The following NEDD4L variants were observed in gnomAD, a reference collection of about 807,000 sequenced individuals.
NEDD4L encodes NEDD4 like E3 ubiquitin protein ligase.
NEDD4L carries 54 observed loss-of-function variants against 148.9 expected under a neutral mutation model. That is an observed-to-expected ratio of 0.36 (90% CI 0.29 to 0.45). NEDD4L has a LOEUF of 0.45. Among genes scored for constraint, NEDD4L ranks in the 20% least tolerant of loss-of-function variants. The probability of loss-of-function intolerance (pLI) is 1.00; values close to 1 mark genes in which losing one functional copy is unlikely to be tolerated. For missense variants in NEDD4L, 856 were observed against 1,233.8 expected (o/e 0.69, Z 4.59); for synonymous variants, 433 against 440.7 (o/e 0.98, Z 0.22).
At chr18:58,348,326 CTTTTTTTT>C (rs771263533) in intron 16 of NEDD4L, among the ~76,000 whole-genome samples, 4 of 88,646 alleles carry the variant, frequency 4.5e-5, no homozygotes, top group Non-Finnish European at 7.9e-5. Flanking sequence ...TCTTTTTTTT[CTTTTTTTT>C]TTTTTTTTTT....
intron 18 of NEDD4L, among the ~76,000 whole-genome samples, chr18:58,353,897 C>T (rs1009941348): frequency 6.6e-6 from 1 of 152,170 alleles, no homozygotes; most frequent in African/African-American, 2.4e-5. Flanking sequence ...TCCAGCATAC[C>T]TGGCACGTGG....
chr18:58,115,369 G>A (rs1375815914), intron 1 of NEDD4L, among the ~76,000 whole-genome samples: 1 of 151,484 alleles, frequency 6.6e-6, no homozygotes, highest in Non-Finnish European at 1.5e-5. Flanking sequence ...TAGGGGAGAT[G>A]CAATTCCCTG....
In NEDD4L at chr18:58,205,449, T is replaced by C. The variant is rs954934428; in HGVS notation, c.122+39588T>C. On this transcript the variant is annotated intron_variant, in intron 2 of 30. Coordinates refer to ENST00000400345, the MANE Select transcript of NEDD4L (RefSeq NM_001144967.3). ...TGGTAAAAATATTTGAAAGTTTGTT[T>C]TATAATCATAAGTAGCTTGGGCTAT... Among the ~76,000 whole-genome samples the C allele has an allele frequency of 1.1e-4, 17 of 152,302 alleles. No homozygotes were observed. The East Asian group carries it at 3.3e-3, about 29-fold the overall frequency.
intron 1 of NEDD4L, among the ~76,000 whole-genome samples, chr18:58,143,919 AGG>A (rs2033826645): frequency 6.6e-6 from 1 of 152,274 alleles, no homozygotes; most frequent in East Asian, 1.9e-4. Context: ...GCCTGATATG[AGG>A]TATCCAGAAT....
At chr18:58,328,908 C>G in intron 9 of NEDD4L, 87 bp from the exon 10 acceptor site, 1 of 1,498,906 alleles carries the variant, frequency 6.7e-7, no homozygotes, top group Non-Finnish European at 9.2e-7. Flanking sequence ...TAGTGGCCAT[C>G]TGGCCCTCCG....
intron 2 of NEDD4L, chr18:58,195,629 CT>C: frequency 1.5e-6 from 2 of 1,349,412 alleles, no homozygotes; most frequent in Non-Finnish European, 2.0e-6. Flanking sequence ...ACCAGGATTT[CT>C]CCTCGCCGCC....
At chr18:58,274,087 C>T (rs997599815) in intron 5 of NEDD4L, among the ~76,000 whole-genome samples, 2 of 152,128 alleles carry the variant, frequency 1.3e-5, no homozygotes, top group African/African-American at 4.8e-5. Flanking sequence ...ATCCAGCTGC[C>T]ACCTAAAGGC....
chr18:58,189,149 T>C (rs1457282667), intron 2 of NEDD4L, among the ~76,000 whole-genome samples: 1 of 152,194 alleles, frequency 6.6e-6, no homozygotes, highest in Non-Finnish European at 1.5e-5. Context: ...TGCAAGTACC[T>C]ATTTTTAGAC....
At chr18:58,094,163 C>T (rs984514905) in intron 1 of NEDD4L, among the ~76,000 whole-genome samples, 5 of 149,474 alleles carry the variant, frequency 3.3e-5, no homozygotes, top group Non-Finnish European at 5.9e-5. Context: ...GGGACTCCTG[C>T]ACCCCCTTTT....
chr18:58,322,107 C>T (rs914241664), intron 6 of NEDD4L, among the ~76,000 whole-genome samples: 2 of 152,182 alleles, frequency 1.3e-5, no homozygotes, highest in African/African-American at 2.4e-5. Flanking sequence ...CACTGGTGAC[C>T]GCTGGTTCTC....
At chr18:58,051,358 T>C (rs968659378) in intron 1 of NEDD4L, among the ~76,000 whole-genome samples, 2 of 152,230 alleles carry the variant, frequency 1.3e-5, no homozygotes, top group Non-Finnish European at 2.9e-5. Context: ...AATTGTGTTG[T>C]GTATGAATTA....
At chr18:58,152,799 G>A (rs960053407) in intron 1 of NEDD4L, among the ~76,000 whole-genome samples, 2 of 152,146 alleles carry the variant, frequency 1.3e-5, no homozygotes, top group African/African-American at 4.8e-5. Flanking sequence ...CAAAAAATTG[G>A]TACTCTGGGA....
At chr18:58,061,491 TTTTC>T (rs1394386799) in intron 1 of NEDD4L, among the ~76,000 whole-genome samples, 1 of 138,238 alleles carries the variant, frequency 7.2e-6, no homozygotes, top group Non-Finnish European at 1.6e-5. Context: ...TTTTTTTTTT[TTTTC>T]TTTCTGTCAT....
chr18:58,196,417 A>C (rs1396995009), intron 2 of NEDD4L, among the ~76,000 whole-genome samples: 1 of 152,186 alleles, frequency 6.6e-6, no homozygotes, highest in Non-Finnish European at 1.5e-5. Context: ...ACCCAGATTA[A>C]ATGATTTTGC....
Position 58,221,597 on chromosome 18 carries a change from C to T in NEDD4L, c.123-23830C>T, listed in dbSNP as rs188108585. The T allele has an allele frequency of 3.0e-6, 3 of 985,386 alleles. No individual in the cohort carries two copies. In the Admixed American group the frequency reaches 1.8e-4, roughly 61 times the overall value. 61.0% of individuals were successfully genotyped at this position (985,386 alleles called of 1,614,324 possible). A position where few individuals can be genotyped will look rare whatever the true frequency, so the allele number is the denominator to read the frequency against. The stretch of plus-strand genomic sequence containing the variant: ...GTTGTGTTAAAACTTGCTGGTATTC[C>T]CCCGGTATCAGCAGAGGTGTGTACG... On this transcript the variant is annotated intron_variant, in intron 2 of 30. Transcript: ENST00000400345.
intron 9 of NEDD4L, 102 bp downstream of exon 9, chr18:58,325,264 C>A (rs1290225395): frequency 1.5e-6 from 2 of 1,342,968 alleles, no homozygotes; most frequent in South Asian, 1.4e-5. Context: ...AATCATATGT[C>A]TATAAGAGCA....
At chr18:58,048,914 C>T (rs781094050) in intron 1 of NEDD4L, among the ~76,000 whole-genome samples, 1 of 152,166 alleles carries the variant, frequency 6.6e-6, no homozygotes, top group Non-Finnish European at 1.5e-5. Flanking sequence ...TCATAACAAA[C>T]CTTTAAGGCT....
intron 20 of NEDD4L, among the ~76,000 whole-genome samples, chr18:58,365,302 G>A (rs547306724): frequency 6.6e-5 from 10 of 152,204 alleles, no homozygotes; most frequent in Non-Finnish European, 1.5e-4. Context: ...GATGATGACT[G>A]TGGTCATCAC....
At chr18:58,078,015 A>AT (rs56093190) in intron 1 of NEDD4L, among the ~76,000 whole-genome samples, 15,790 of 142,882 alleles carry the variant, frequency 0.11, 893 homozygotes, top group East Asian at 0.17. Flanking sequence ...TGAGAAACGT[A>AT]TTTTTTTTTT....
Sources: gnomAD v4.1 joint callset for allele counts (sites outside exome capture counted in the v4.1 genomes callset) on GRCh38, gnomAD v4.1.1 for gene constraint, MANE v1.5 for transcripts, NCBI Gene and HGNC (gene_info 2026-07-23, HGNC 2026-07-21) for gene names.